The following MSRA variants were observed in gnomAD, a reference collection of about 807,000 sequenced individuals.
The protein encoded by MSRA is methionine sulfoxide reductase A, also known as mitochondrial peptide methionine sulfoxide reductase.
MSRA carries 54 observed loss-of-function variants against 31.3 expected under a neutral mutation model. That is an observed-to-expected ratio of 1.73 (90% CI 1.39 to 2.17). MSRA has a LOEUF of 2.17. Among genes scored for constraint, MSRA ranks in the 30% most tolerant of loss-of-function variants. The pLI is 0.00. For missense variants in MSRA, 507 were observed against 300.9 expected, an observed-to-expected ratio of 1.69 and a Z score of -5.07; for synonymous variants, 169 against 116.5, an observed-to-expected ratio of 1.45 and a Z score of -2.90.
intron 5 of MSRA, among the ~76,000 whole-genome samples, chr8:10,404,217 C>G (rs1322713554): frequency 6.6e-6 from 1 of 152,166 alleles, no homozygotes; most frequent in Non-Finnish European, 1.5e-5. Flanking sequence ...TGAGACGGTG[C>G]TGCTCCTCCT....
intron 2 of MSRA, among the ~76,000 whole-genome samples, chr8:10,234,131 A>G (rs1347577479): frequency 6.6e-6 from 1 of 152,184 alleles, no homozygotes; most frequent in Admixed American, 6.5e-5. Flanking sequence ...TAACTCATAG[A>G]CAGTTACTAT....
At chr8:10,089,359 AT>A (rs1445664425) in intron 1 of MSRA, among the ~76,000 whole-genome samples, 1 of 152,206 alleles carries the variant, frequency 6.6e-6, no homozygotes, top group Non-Finnish European at 1.5e-5. Flanking sequence ...TTTTGTGTTC[AT>A]TTTCACCTCC....
At chr8:10,338,078 A>G (rs547957570) in intron 5 of MSRA, among the ~76,000 whole-genome samples, 1 of 152,324 alleles carries the variant, frequency 6.6e-6, no homozygotes, top group East Asian at 1.9e-4. Context: ...AAAGGCAAAT[A>G]GGACGTGTGA....
intron 1 of MSRA, among the ~76,000 whole-genome samples, chr8:10,070,396 A>C (rs1265424822): frequency 2.0e-5 from 3 of 152,222 alleles, no homozygotes; most frequent in African/African-American, 7.2e-5. Context: ...CCACAGGCCA[A>C]GTGTGACCTG....
intron 1 of MSRA, among the ~76,000 whole-genome samples, chr8:10,158,976 A>G (rs1049737443): frequency 6.6e-6 from 1 of 152,176 alleles, no homozygotes; most frequent in African/African-American, 2.4e-5. Flanking sequence ...ACCAATAGCC[A>G]TTGGAGGGTT....
chr8:10,146,434 C>T (rs557068506), intron 1 of MSRA, among the ~76,000 whole-genome samples: 2 of 152,160 alleles, frequency 1.3e-5, no homozygotes, highest in African/African-American at 4.8e-5. Flanking sequence ...GATGCTCTTG[C>T]ATCGGTAGAG....
At chr8:10,116,565 A>T (rs1176112050) in intron 1 of MSRA, among the ~76,000 whole-genome samples, 3 of 152,326 alleles carry the variant, frequency 2.0e-5, no homozygotes, top group Non-Finnish European at 2.9e-5. Context: ...AGATAAGTAG[A>T]CAAATCACTT....
intron 5 of MSRA, among the ~76,000 whole-genome samples, chr8:10,379,130 G>C (rs997823884): frequency 2.6e-5 from 4 of 151,972 alleles, no homozygotes; most frequent in Non-Finnish European, 5.9e-5. Flanking sequence ...CTAATGTACT[G>C]GCTTTATGGC....
chr8:10,208,026 C>T (rs563969356), intron 2 of MSRA, 125 bp downstream of exon 2: 11 of 669,648 alleles, frequency 1.6e-5, no homozygotes, highest in Non-Finnish European at 2.5e-5. Context: ...CAAGTTGTTA[C>T]AGCCAAGAAA....
At chr8:10,263,341 C>T (rs1455312680) in intron 3 of MSRA, among the ~76,000 whole-genome samples, 2 of 152,192 alleles carry the variant, frequency 1.3e-5, no homozygotes, top group African/African-American at 4.8e-5. Flanking sequence ...AGTCAGTAGC[C>T]TTGTTCTCAG....
At chr8:10,292,677 G>C (rs1350484782) in intron 3 of MSRA, among the ~76,000 whole-genome samples, 1 of 152,236 alleles carries the variant, frequency 6.6e-6, no homozygotes, top group African/African-American at 2.4e-5. Flanking sequence ...GGGGTCCCCA[G>C]CTCAGAGAAG....
At chr8:10,381,493 G>A (rs998109998) in intron 5 of MSRA, among the ~76,000 whole-genome samples, 1 of 152,166 alleles carries the variant, frequency 6.6e-6, no homozygotes, top group Non-Finnish European at 1.5e-5. Context: ...TGCTGGAGCT[G>A]GGTGTACCCT....
chr8:10,079,882 C>T (rs952234696), intron 1 of MSRA, among the ~76,000 whole-genome samples: 2 of 152,210 alleles, frequency 1.3e-5, no homozygotes, highest in Non-Finnish European at 2.9e-5. Context: ...CCTAACTTCT[C>T]TGTTCATAAA....
At chr8:10,132,941 G>A (rs1215858328) in intron 1 of MSRA, among the ~76,000 whole-genome samples, 4 of 152,178 alleles carry the variant, frequency 2.6e-5, no homozygotes, top group South Asian at 2.1e-4. Context: ...AGGCCAGAAG[G>A]TTCTACAATA....
intron 5 of MSRA, among the ~76,000 whole-genome samples, chr8:10,335,628 C>A (rs1202636267): frequency 6.6e-6 from 1 of 152,142 alleles, no homozygotes; most frequent in South Asian, 2.1e-4. Context: ...AGGGGAACTG[C>A]AGCTACCTGC....
chr8:10,386,825 A>G (rs867091348), intron 5 of MSRA, among the ~76,000 whole-genome samples: 1 of 151,096 alleles, frequency 6.6e-6, no homozygotes, highest in African/African-American at 2.4e-5. Context: ...TCCGGGAAAA[A>G]TGGGATTCGA....
chr8:10,426,819 A>G lies in MSRA; in HGVS notation c.544-1329A>G, dbSNP rs554073907. On this transcript the variant is annotated intron_variant, in intron 5 of 5. Transcript: ENST00000317173. ...GATCATGGCATATGGTAGACCCTCA[A>G]TAATTGCTAGTTTACAAAAAATTGT... Among the ~76,000 whole-genome samples the G allele has an allele frequency of 2.0e-5, 3 of 152,358 alleles. No individual in the cohort carries two copies. The South Asian group carries it at 6.2e-4, about 32-fold the overall frequency.
At chr8:10,173,473 G>C (rs890163336) in intron 1 of MSRA, among the ~76,000 whole-genome samples, 1 of 152,186 alleles carries the variant, frequency 6.6e-6, no homozygotes, top group Non-Finnish European at 1.5e-5. Context: ...ATCTATACTG[G>C]GCCAAGTCTT....
chr8:10,066,528 GAT>G (rs1797462341), intron 1 of MSRA, among the ~76,000 whole-genome samples: 1 of 151,956 alleles, frequency 6.6e-6, no homozygotes, highest in Non-Finnish European at 1.5e-5. Flanking sequence ...CAGTTCAGCT[GAT>G]ATATCTGTTT....
Sources: allele counts gnomAD v4.1 joint callset (sites outside exome capture counted in the v4.1 genomes callset), GRCh38; gene constraint gnomAD v4.1.1; transcripts MANE v1.5; gene names NCBI Gene and HGNC (gene_info 2026-07-23, HGNC 2026-07-21).